The following EPG5 variants were observed in gnomAD, a reference collection of about 807,000 sequenced individuals.
EPG5 encodes ectopic P-granules 5 autophagy tethering factor.
A neutral mutation model predicts 302.7 loss-of-function variants in EPG5; 159 were observed. That is an observed-to-expected ratio of 0.53 (90% confidence interval 0.46 to 0.60). The LOEUF is 0.60. EPG5 is among the 20% of genes least tolerant of loss of function. The probability of loss-of-function intolerance (pLI) is 0.00; values close to 1 mark genes in which losing one functional copy is unlikely to be tolerated. For synonymous variants in EPG5, 1,158 were observed against 1,136.8 expected (o/e 1.02, Z -0.37); for missense variants, 2,896 against 3,092.4 (o/e 0.94, Z 1.51).
the EPG5 span, chr18:45,838,819 T>TCCGGCCCGGC: frequency 1.3e-6 from 2 of 1,560,424 alleles, no homozygotes; most frequent in East Asian, 2.4e-5. Flanking sequence ...CCTCGCCTGG[T>TCCGGCCCGGC]CCGGCCCGGC....
intron 1 of EPG5, among the ~76,000 whole-genome samples, chr18:45,962,777 A>G (rs1482851027): frequency 6.6e-6 from 1 of 152,214 alleles, no homozygotes; most frequent in Non-Finnish European, 1.5e-5. Context: ...AAATTATACT[A>G]TAGATGGTAA....
chr18:45,916,101 G>T lies in EPG5; in HGVS notation c.3490C>A (p.Pro1164Thr). Reference protein sequence around the residue: ...ISQHLWYREQPILFLMDHLCK... With the variant: ...ISQHLWYREQTILFLMDHLCK... ...AAGTGGTCCATGAGGAAGAGGATAGGTTGTTCTCGGTACCAGAGATGCTGG... is the reference window on the plus strand; with the variant it reads ...AAGTGGTCCATGAGGAAGAGGATAGTTTGTTCTCGGTACCAGAGATGCTGG... The change falls in exon 19 of 44, where the codon CCT becomes ACT. Residue 1164 changes from proline (P) to threonine (T), a missense_variant. By Grantham distance (38) the Pro-to-Thr change is conservative. Transcript: ENST00000282041. 1 of 1,614,134 alleles carries T rather than the reference G, an allele frequency of 6.2e-7. No individual in the cohort carries two copies. The highest frequency in any genetic ancestry group is 1.3e-5 in the African/African-American group (1 of 75,040).
intron 4 of EPG5, among the ~76,000 whole-genome samples, chr18:45,950,890 A>C (rs1218041728): frequency 6.6e-6 from 1 of 152,226 alleles, no homozygotes; most frequent in African/African-American, 2.4e-5. Context: ...CATTTAGCAT[A>C]ATCTTTACTA....
chr18:45,929,419 T>C (rs1215712203), intron 12 of EPG5, among the ~76,000 whole-genome samples: 2 of 152,216 alleles, frequency 1.3e-5, no homozygotes, highest in African/African-American at 4.8e-5. Context: ...TTCTAAAACA[T>C]TGTTTACCAA....
the EPG5 span, among the ~76,000 whole-genome samples, chr18:45,831,895 G>A: frequency 1.2e-4 from 18 of 152,242 alleles, no homozygotes; most frequent in African/African-American, 4.3e-4. Context: ...GCACCACTGC[G>A]CCCAGCTAAT....
At chr18:45,890,247 C>T (rs1275814309) in intron 27 of EPG5, 2 of 206,142 alleles carry the variant, frequency 9.7e-6, no homozygotes, top group Non-Finnish European at 2.0e-5. Flanking sequence ...GCTCCCCAGC[C>T]GTAGCCCTTC....
At chr18:45,825,866 G>C in the EPG5 span, 1 of 1,534,950 alleles carries the variant, frequency 6.5e-7, no homozygotes, top group Non-Finnish European at 9.0e-7. Context: ...CTGGAAGGCA[G>C]GAAGCAGGTG....
the EPG5 span, among the ~76,000 whole-genome samples, chr18:45,808,109 C>T: frequency 5.1e-4 from 77 of 152,188 alleles, no homozygotes; most frequent in African/African-American, 1.8e-3. Context: ...GCAATAGAAT[C>T]GAACAAGTAG....
rs1324444702 is a variant in EPG5, at chr18:45,944,118, T to C, written c.1679A>G (p.Asp560Gly). The change falls in exon 8 of 44, where the codon GAT becomes GGT. Residue 560 changes from aspartate to glycine, a missense_variant and splice_region_variant. Asp to Gly is a moderately conservative substitution (Grantham distance 94, BLOSUM62 -1). Coordinates refer to ENST00000282041, the MANE Select transcript of EPG5 (RefSeq NM_020964.3). The part of the protein sequence containing the change: ...WTLVDEGGEE[D>G]EDPETSWILL... Reference sequence around the variant, plus strand: ...AATCCAACTGGTCTCAGGGTCTTCATCCTAAGGGAAAAGACAAAAAATCAT... The same window carrying C: ...AATCCAACTGGTCTCAGGGTCTTCACCCTAAGGGAAAAGACAAAAAATCAT... 1.3e-6 allele frequency: 2 copies of C among 1,599,618 alleles called. No individual in the cohort carries two copies. The highest frequency in any genetic ancestry group is 1.7e-6 in the Non-Finnish European group (2 of 1,167,044).
chr18:45,936,664 G>C (rs1412783161), intron 10 of EPG5, among the ~76,000 whole-genome samples: 3 of 139,880 alleles, frequency 2.1e-5, no homozygotes, highest in African/African-American at 8.1e-5. Flanking sequence ...GGAGGCGGAG[G>C]TTACAGTGAT....
chr18:45,846,914 G>C (rs1018142216), downstream of EPG5, among the ~76,000 whole-genome samples: 12 of 152,196 alleles, frequency 7.9e-5, no homozygotes, highest in African/African-American at 2.7e-4. Flanking sequence ...GAGAAAGATC[G>C]TTTCTTTCAG....
At chr18:45,807,328 G>A in the EPG5 span, among the ~76,000 whole-genome samples, 2 of 152,114 alleles carry the variant, frequency 1.3e-5, no homozygotes, top group Non-Finnish European at 1.5e-5. Context: ...ATATACTCTT[G>A]GGAGTTCTAG....
intron 36 of EPG5, among the ~76,000 whole-genome samples, chr18:45,869,741 T>C (rs116833688): frequency 1.3e-5 from 2 of 152,166 alleles, no homozygotes; most frequent in South Asian, 2.1e-4. Context: ...GCAGCACAGA[T>C]GGGGTTCCAT....
chr18:45,919,598 C>T (rs945763973), intron 16 of EPG5, among the ~76,000 whole-genome samples: 8 of 151,468 alleles, frequency 5.3e-5, no homozygotes, highest in South Asian at 2.1e-4. Context: ...CTGCAAGCTC[C>T]GCCTCCCAGG....
chr18:45,865,855 G>A, intron 38 of EPG5, 96 bp from the exon 39 acceptor site: 2 of 1,355,506 alleles, frequency 1.5e-6, no homozygotes, highest in Non-Finnish European at 2.0e-6. Flanking sequence ...ATGAATGCTT[G>A]GGTAGGGAGT....
intron 39 of EPG5, among the ~76,000 whole-genome samples, chr18:45,861,179 G>A (rs981388887): frequency 6.6e-6 from 1 of 152,000 alleles, no homozygotes; most frequent in African/African-American, 2.4e-5. Flanking sequence ...ACTTATGCAG[G>A]GTTAAATAAA....
chr18:45,935,802 C>T (rs2050510505), intron 10 of EPG5, among the ~76,000 whole-genome samples: 1 of 152,192 alleles, frequency 6.6e-6, no homozygotes, highest in South Asian at 2.1e-4. Context: ...AAGGCTTCCA[C>T]AGTATGGCTC....
At chr18:45,967,110 G>T (rs1477033687) in intron 1 of EPG5, 67 bp downstream of exon 1, 1 of 1,481,024 alleles carries the variant, frequency 6.8e-7, no homozygotes, top group East Asian at 2.5e-5. Flanking sequence ...GGCTGGGGAG[G>T]CCGAAGAGAG....
chr18:45,879,022 T>C lies in EPG5; in HGVS notation c.5860A>G (p.Arg1954Gly), dbSNP rs2049032535. ...TCLAQDPTAS[R>G]KTVLKSLHSV... is the part of the protein sequence containing the mutation. ...ATGAGAAGTATATTACCTGTTTTCC[T>C]GCTGGCAGTTGGGTCTTGGGCCAAA... Residue 1954 changes from arginine (R) to glycine (G), a missense_variant, in exon 33 of 44, where the codon AGG (arginine) becomes GGG (glycine). Arg to Gly is a moderately radical substitution (Grantham distance 125, BLOSUM62 -2). Transcript: ENST00000282041. The C allele has an allele frequency of 6.2e-7, 1 of 1,613,960 alleles. No individual in the cohort carries two copies. The highest frequency in any genetic ancestry group is 8.5e-7 in the Non-Finnish European group (1 of 1,179,920).
Sources: gnomAD v4.1 joint callset for allele counts (sites outside exome capture counted in the v4.1 genomes callset) on GRCh38, gnomAD v4.1.1 for gene constraint, MANE v1.5 for transcripts, NCBI Gene and HGNC (gene_info 2026-07-23, HGNC 2026-07-21) for gene names.